The following ERBB4 variants were observed in gnomAD, a reference collection of about 807,000 sequenced individuals.
ERBB4 encodes receptor tyrosine-protein kinase erbB-4.
Under a neutral mutation model 158.0 loss-of-function variants are expected in ERBB4, and 42 were observed. The observed-to-expected ratio is 0.27, with a 90% CI of 0.21 to 0.34. The LOEUF (loss-of-function observed/expected upper bound fraction) is 0.34. Among genes scored for constraint, ERBB4 ranks in the 10% least tolerant of loss-of-function variants. The pLI, the probability that ERBB4 is intolerant of heterozygous loss-of-function variation, is 1.00. For synonymous variants in ERBB4, 583 were observed against 558.7 expected (o/e 1.04, Z -0.61); for missense variants, 1,333 against 1,624.1 (o/e 0.82, Z 3.08).
At chr2:212,360,476 C>T (rs1046144147) in intron 1 of ERBB4, among the ~76,000 whole-genome samples, 1 of 151,604 alleles carries the variant, frequency 6.6e-6, no homozygotes, top group South Asian at 2.1e-4. Flanking sequence ...CTGTTGCTTC[C>T]CTTATGTAAC....
At chr2:212,230,617 C>T (rs2083629836) in intron 1 of ERBB4, among the ~76,000 whole-genome samples, 1 of 152,008 alleles carries the variant, frequency 6.6e-6, no homozygotes, top group Admixed American at 6.6e-5. Context: ...AGATGAATTC[C>T]CCTACTTAAA....
chr2:211,576,037 C>T (rs1181512485), intron 19 of ERBB4, among the ~76,000 whole-genome samples: 2 of 151,988 alleles, frequency 1.3e-5, no homozygotes, highest in African/African-American at 4.8e-5. Flanking sequence ...ATCCTGATGT[C>T]AAGGGGATCC....
intron 20 of ERBB4, among the ~76,000 whole-genome samples, chr2:211,456,590 A>G (rs578072465): frequency 1.3e-5 from 2 of 152,286 alleles, no homozygotes; most frequent in African/African-American, 4.8e-5. Context: ...CGTATGCAAA[A>G]TTTATATAAA....
At chr2:211,918,160 A>G (rs1414926892) in intron 3 of ERBB4, among the ~76,000 whole-genome samples, 1 of 152,198 alleles carries the variant, frequency 6.6e-6, no homozygotes, top group Non-Finnish European at 1.5e-5. Flanking sequence ...GAAAGCTCTC[A>G]GGGATCAGGT....
At chr2:211,728,251 T>G (rs1049385561) in intron 5 of ERBB4, among the ~76,000 whole-genome samples, 2 of 151,746 alleles carry the variant, frequency 1.3e-5, no homozygotes, top group African/African-American at 4.8e-5. Context: ...ATATTATTAT[T>G]TATTCCATTT....
intron 20 of ERBB4, chr2:211,561,616 C>A: frequency 2.4e-6 from 1 of 424,780 alleles, no homozygotes; most frequent in Non-Finnish European, 4.4e-6. Flanking sequence ...AACAAATAAG[C>A]CAAACAAATC....
At chr2:211,934,588 TA>T in intron 3 of ERBB4, among the ~76,000 whole-genome samples, 1 of 152,038 alleles carries the variant, frequency 6.6e-6, no homozygotes, top group South Asian at 2.1e-4. Context: ...AAAAATTCTC[TA>T]AAAAATAAAT....
intron 2 of ERBB4, among the ~76,000 whole-genome samples, chr2:212,045,336 T>C (rs1252100200): frequency 6.6e-6 from 1 of 152,088 alleles, no homozygotes; most frequent in Non-Finnish European, 1.5e-5. Flanking sequence ...TGCACATCTG[T>C]AGTCCCAGCT....
intron 2 of ERBB4, among the ~76,000 whole-genome samples, chr2:212,063,645 A>G (rs1364563661): frequency 2.0e-5 from 3 of 152,190 alleles, no homozygotes; most frequent in Non-Finnish European, 2.9e-5. Flanking sequence ...AGAACATAAT[A>G]ATTTAAAATT....
intron 20 of ERBB4, among the ~76,000 whole-genome samples, chr2:211,456,486 C>A (rs1559186266): frequency 6.6e-6 from 1 of 151,866 alleles, no homozygotes. Context: ...ATCCAAATAC[C>A]CACTCATTTA....
At chr2:211,542,699 AT>A (rs1001574672) in intron 20 of ERBB4, among the ~76,000 whole-genome samples, 5 of 151,754 alleles carry the variant, frequency 3.3e-5, no homozygotes, top group African/African-American at 1.2e-4. Flanking sequence ...AGTTTTTTGC[AT>A]TTTTTTAATC....
chr2:211,438,524 G>T (rs1176361954), intron 20 of ERBB4, among the ~76,000 whole-genome samples: 2 of 152,102 alleles, frequency 1.3e-5, no homozygotes, highest in Non-Finnish European at 2.9e-5. Flanking sequence ...TTGTCTTGAG[G>T]ATTCAATGGC....
intron 14 of ERBB4, 105 bp downstream of exon 14, chr2:211,673,059 A>G: frequency 1.1e-6 from 1 of 900,846 alleles, no homozygotes; most frequent in Non-Finnish European, 1.9e-6. Flanking sequence ...TCCCCATGGC[A>G]TCCTGTAAGT....
chr2:211,520,221 C>T (rs151333363), intron 20 of ERBB4, among the ~76,000 whole-genome samples: 7 of 152,146 alleles, frequency 4.6e-5, no homozygotes, highest in East Asian at 3.9e-4. Context: ...TTGTTTCATA[C>T]GGGGTGTTTG....
intron 1 of ERBB4, among the ~76,000 whole-genome samples, chr2:212,186,661 C>T (rs1281945624): frequency 2.6e-5 from 4 of 151,894 alleles, no homozygotes; most frequent in South Asian, 4.1e-4. Context: ...CTTTTGCAGG[C>T]AAATAAACTA....
intron 19 of ERBB4, among the ~76,000 whole-genome samples, chr2:211,564,462 T>C (rs1400591359): frequency 2.6e-5 from 4 of 152,218 alleles, no homozygotes; most frequent in Non-Finnish European, 4.4e-5. Context: ...AAGTATTATG[T>C]AAATTTACAT....
chr2:211,883,914 A>G (rs945737783), intron 3 of ERBB4, among the ~76,000 whole-genome samples: 3 of 152,218 alleles, frequency 2.0e-5, no homozygotes, highest in Admixed American at 6.5e-5. Context: ...GCCTATTTAC[A>G]TAATTCTATC....
intron 1 of ERBB4, among the ~76,000 whole-genome samples, chr2:212,445,917 T>C (rs1306594976): frequency 6.6e-6 from 1 of 152,256 alleles, no homozygotes; most frequent in Non-Finnish European, 1.5e-5. Context: ...CTCTTTCTTT[T>C]GCTGAAAACA....
At chr2:211,935,328 T>A (rs2080290263) in intron 3 of ERBB4, among the ~76,000 whole-genome samples, 1 of 152,126 alleles carries the variant, frequency 6.6e-6, no homozygotes, top group Admixed American at 6.6e-5. Flanking sequence ...GAGATGAGTT[T>A]GTGAGTCTGA....
Sources: gnomAD v4.1 joint callset for allele counts (sites outside exome capture counted in the v4.1 genomes callset) on GRCh38, gnomAD v4.1.1 for gene constraint, MANE v1.5 for transcripts, NCBI Gene and HGNC (gene_info 2026-07-23, HGNC 2026-07-21) for gene names.